The following MAP2K3 variants were observed in gnomAD, a reference collection of about 807,000 sequenced individuals.
MAP2K3 encodes the protein dual specificity mitogen-activated protein kinase kinase 3.
Under a neutral mutation model 46.4 loss-of-function variants are expected in MAP2K3, and 30 were observed. The ratio of observed to expected loss-of-function variants is 0.65; its 90% CI spans 0.48 to 0.88. The LOEUF (loss-of-function observed/expected upper bound fraction) is 0.88. Ranked by LOEUF, MAP2K3 falls within the 40% of genes least tolerant of loss-of-function variation. The pLI, the probability that MAP2K3 is intolerant of heterozygous loss-of-function variation, is 0.00. For synonymous variants in MAP2K3, 189 were observed against 176.3 expected (o/e 1.07, Z -0.57); for missense variants, 380 against 464.5 (o/e 0.82, Z 1.67).
intron 5 of MAP2K3, 70 bp from the exon 6 acceptor site, chr17:21,302,073 G>A (rs1426400653): frequency 2.7e-6 from 4 of 1,474,806 alleles, no homozygotes; most frequent in South Asian, 1.1e-5. Flanking sequence ...CTGGTGCTGG[G>A]GCAGGCAGTG....
chr17:21,298,489 C>T lies in MAP2K3; in HGVS notation c.116+10C>T, dbSNP rs768187537. ...CCGCACCCAACCCCACGTGAGTCTGCCTCAGTTTCTCCCTGGCTCACCCTG... is the reference window on the plus strand; with the variant it reads ...CCGCACCCAACCCCACGTGAGTCTGTCTCAGTTTCTCCCTGGCTCACCCTG... On this transcript the variant is annotated intron_variant, in intron 2 of 11. Coordinates refer to ENST00000342679, the MANE Select transcript of MAP2K3 (RefSeq NM_145109.3). The T allele has an allele frequency of 1.2e-6, 2 of 1,614,316 alleles. No individual in the cohort carries two copies. Among genetic ancestry groups the T allele is most frequent in the Non-Finnish European group, 1.7e-6 (2 of 1,180,058 alleles).
At position 21,301,018 on chromosome 17, in the gene MAP2K3, G is replaced by T. The variant is rs375032516; in HGVS notation, c.399+25G>T. 77 of 1,613,882 alleles carry T rather than the reference G, an allele frequency of 4.8e-5. No individual in the cohort carries two copies. The African/African-American group carries it at 8.9e-4, about 19-fold the overall frequency. ...GGTGCGTCCTTGCATGATGCAGCTG[G>T]GGATCTCCACCTCCCACCCATCAGT... On this transcript the variant is annotated intron_variant, in intron 5 of 11. Coordinates refer to ENST00000342679, the MANE Select transcript of MAP2K3 (RefSeq NM_145109.3).
intron 1 of MAP2K3, among the ~76,000 whole-genome samples, chr17:21,285,546 A>G (rs1975700194): frequency 6.6e-6 from 1 of 151,700 alleles, no homozygotes; most frequent in African/African-American, 2.4e-5. Context: ...AGCTCTTCTT[A>G]TCCTTATAGG....
At chr17:21,293,657 G>C (rs1976074522) in intron 1 of MAP2K3, among the ~76,000 whole-genome samples, 1 of 152,310 alleles carries the variant, frequency 6.6e-6, no homozygotes, top group Non-Finnish European at 1.5e-5. Flanking sequence ...CCAGGCCCTG[G>C]CCAGGTGGCC....
chr17:21,284,793 CGCCGCCGCCGCCGCT>C lies in MAP2K3; in HGVS notation c.-125_-111del, dbSNP rs1280917669. On this transcript the variant is annotated 5_prime_UTR_variant, in exon 1 of 12. Transcript: ENST00000342679. ...TCCTCGCCGCAGTCGCCGCCGCCGC[CGCCGCCGCCGCCGCT>C]GCTCCTCCGCCTGGCCTGGGCCGTC... 7.2e-6 allele frequency: 8 copies of C among 1,114,980 alleles called. No individual in the cohort carries two copies. The highest frequency in any genetic ancestry group is 1.8e-5 in the South Asian group (1 of 55,506). The allele number at this position is 1,114,980 out of a possible 1,614,324, so 69.1% of individuals were successfully genotyped here.
At chr17:21,313,210 A>G (rs1039550013) in intron 10 of MAP2K3, among the ~76,000 whole-genome samples, 1 of 152,190 alleles carries the variant, frequency 6.6e-6, no homozygotes, top group African/African-American at 2.4e-5. Flanking sequence ...TAGGCAGAGC[A>G]TTGCAGCCCC....
Position 21,284,774 on chromosome 17 carries a change from C to G in MAP2K3, c.-147C>G. 1.2e-6 allele frequency: 1 copy of G among 844,388 alleles called. No individual in the cohort carries two copies. The highest frequency in any genetic ancestry group is 1.7e-6 in the Non-Finnish European group (1 of 577,368). The allele number at this position is 844,388 out of a possible 1,614,324, so 52.3% of individuals were successfully genotyped here. On this transcript the variant is annotated 5_prime_UTR_variant, in exon 1 of 12. Transcript: ENST00000342679. ...GCTGCAGTCGCCGCCGCAGTCCTCG[C>G]CGCAGTCGCCGCCGCCGCCGCCGCC...
chr17:21,313,457 G>A (rs747434023), intron 10 of MAP2K3, 35 bp from the exon 11 acceptor site: 18 of 1,603,950 alleles, frequency 1.1e-5, no homozygotes, highest in Non-Finnish European at 8.5e-6. Context: ...CTTCCTCCCT[G>A]CCAGCCTGGC....
In MAP2K3 at chr17:21,303,379, C is replaced by T. The variant is rs890097346; in HGVS notation, c.568+145C>T. 4.6e-6 allele frequency: 5 copies of T among 1,097,106 alleles called. No homozygotes were observed. The African/African-American group carries it at 6.2e-5, about 14-fold the overall frequency. The allele number at this position is 1,097,106 out of a possible 1,614,324, so 68.0% of individuals were successfully genotyped here. A position where few individuals can be genotyped will look rare whatever the true frequency, so the allele number is the denominator to read the frequency against. The stretch of plus-strand genomic sequence containing the variant: ...CCGATGGGGTTCCAGCCGCTTTCCA[C>T]CTGCAGCCCTGCAGCTGCCTCCCCT... On this transcript the variant is annotated intron_variant, in intron 7 of 11. Transcript: ENST00000342679.
intron 9 of MAP2K3, among the ~76,000 whole-genome samples, chr17:21,310,963 G>A (rs985489542): frequency 6.6e-6 from 1 of 152,188 alleles, no homozygotes; most frequent in Admixed American, 6.5e-5. Flanking sequence ...TAGCTCGTAT[G>A]GGGTACTTGC....
intron 1 of MAP2K3, among the ~76,000 whole-genome samples, chr17:21,292,276 C>T (rs1267793076): frequency 6.6e-6 from 1 of 152,312 alleles, no homozygotes; most frequent in Non-Finnish European, 1.5e-5. Flanking sequence ...ATTGCCTGCA[C>T]TTGAGTAGCC....
At chr17:21,305,750 C>T (rs1244401552) in intron 9 of MAP2K3, among the ~76,000 whole-genome samples, 1 of 152,304 alleles carries the variant, frequency 6.6e-6, no homozygotes. Flanking sequence ...CCCCTGTGGA[C>T]AGTGGATTGG....
intron 9 of MAP2K3, among the ~76,000 whole-genome samples, chr17:21,309,054 G>A (rs1277896997): frequency 6.6e-6 from 1 of 152,312 alleles, no homozygotes; most frequent in African/African-American, 2.4e-5. Flanking sequence ...GATTGGCTGG[G>A]GTCATGGCTG....
At chr17:21,289,087 G>A (rs182209866) in intron 1 of MAP2K3, among the ~76,000 whole-genome samples, 7 of 152,348 alleles carry the variant, frequency 4.6e-5, no homozygotes, top group African/African-American at 1.7e-4. Context: ...GCAGGGCTTC[G>A]TGACAATGTG....
In MAP2K3 at chr17:21,298,400, C is replaced by G. The variant is rs1976387980; in HGVS notation, c.50-13C>G. 1 of 1,614,184 alleles carries G rather than the reference C, an allele frequency of 6.2e-7. No individual in the cohort carries two copies. The highest frequency in any genetic ancestry group is 8.5e-7 in the Non-Finnish European group (1 of 1,180,060). On this transcript the variant is annotated splice_polypyrimidine_tract_variant and intron_variant, in intron 1 of 11. Coordinates refer to ENST00000342679, the MANE Select transcript of MAP2K3 (RefSeq NM_145109.3). ...AGGGATAGGCCAGACGCCTCACCTT[C>G]TCTCCATTCTAGGAAAATCCAAGAG...
At position 21,312,175 on chromosome 17, in the gene MAP2K3, T is replaced by G. The variant is rs368095963; in HGVS notation, c.808T>G (p.Ser270Ala). 1 of 1,587,522 alleles carries G rather than the reference T, an allele frequency of 6.3e-7. No homozygotes were observed. Among genetic ancestry groups the G allele is most frequent in the African/African-American group, 1.4e-5 (1 of 72,846 alleles). The change falls in exon 10 of 12, where the codon TCC becomes GCC. Residue 270 changes from serine to alanine, a missense_variant. Coordinates refer to ENST00000342679, the MANE Select transcript of MAP2K3 (RefSeq NM_145109.3). Reference sequence around the variant, plus strand: ...GGCCATCCTGCGGTTCCCTTACGAGTCCTGGGGGACCCCGTTCCAGCAGCT... The same window carrying G: ...GGCCATCCTGCGGTTCCCTTACGAGGCCTGGGGGACCCCGTTCCAGCAGCT... ...EMAILRFPYE[S>A]WGTPFQQLKQ... is the part of the protein sequence containing the mutation.
intron 1 of MAP2K3, among the ~76,000 whole-genome samples, chr17:21,291,037 T>C (rs1336555097): frequency 6.6e-6 from 1 of 152,298 alleles, no homozygotes; most frequent in Non-Finnish European, 1.5e-5. Flanking sequence ...GGTCAGGAGC[T>C]CGAGACCATC....
In MAP2K3 at chr17:21,309,889, C is replaced by T. The variant is rs1226753888; in HGVS notation, c.775-2253C>T. 5.9e-5 allele frequency among the ~76,000 whole-genome samples: 9 copies of T among 152,236 alleles called. No individual in the cohort carries two copies. In the East Asian group the frequency reaches 1.5e-3, roughly 26 times the overall value. On this transcript the variant is annotated intron_variant, in intron 9 of 11. Coordinates refer to ENST00000342679, the MANE Select transcript of MAP2K3 (RefSeq NM_145109.3). ...AAAGTGCTGGGATTACAGGTGTGAG[C>T]CACTGCGCCTGGCCTCGTAATGCTT... is the stretch of plus-strand genomic sequence containing the variant.
chr17:21,295,553 C>A, intron 1 of MAP2K3: 1 of 1,239,476 alleles, frequency 8.1e-7, no homozygotes, highest in Non-Finnish European at 1.0e-6. Flanking sequence ...CTGACGTCTG[C>A]AGCAGCCTGA....
Sources: allele counts gnomAD v4.1 joint callset (sites outside exome capture counted in the v4.1 genomes callset), GRCh38; gene constraint gnomAD v4.1.1; transcripts MANE v1.5; gene names NCBI Gene and HGNC (gene_info 2026-07-23, HGNC 2026-07-21).